The following DSCAML1 variants were observed in gnomAD, a reference collection of about 807,000 sequenced individuals.
The protein encoded by DSCAML1 is DS cell adhesion molecule like 1.
A neutral mutation model predicts 200.5 loss-of-function variants in DSCAML1; 38 were observed. The ratio of observed to expected loss-of-function variants is 0.19; its 90% CI spans 0.15 to 0.25. The LOEUF is 0.25. DSCAML1 is among the 10% of genes least tolerant of loss of function. The pLI is 1.00. For synonymous variants in DSCAML1, 1,215 were observed against 1,165.0 expected, an observed-to-expected ratio of 1.04 and a Z score of -0.87; for missense variants, 2,223 against 2,858.8, an observed-to-expected ratio of 0.78 and a Z score of 5.07.
intron 3 of DSCAML1, among the ~76,000 whole-genome samples, chr11:117,756,605 G>C (rs931939644): frequency 2.0e-5 from 3 of 152,126 alleles, no homozygotes; most frequent in African/African-American, 7.2e-5. Context: ...TGCTATCTGG[G>C]TTGTAGAAAA....
chr11:117,714,830 A>G (rs2053920437), intron 3 of DSCAML1, among the ~76,000 whole-genome samples: 1 of 150,136 alleles, frequency 6.7e-6, no homozygotes, highest in African/African-American at 2.4e-5. Flanking sequence ...CTTGAGGAAA[A>G]AAAAAAAAAA....
intron 3 of DSCAML1, among the ~76,000 whole-genome samples, chr11:117,629,924 C>A (rs149907572): frequency 4.7e-4 from 72 of 152,308 alleles, no homozygotes; most frequent in Middle Eastern, 3.4e-3. Flanking sequence ...AGGGTTGAGA[C>A]TGCTTGAGCC....
intron 1 of DSCAML1, among the ~76,000 whole-genome samples, chr11:117,795,857 C>A (rs1329740888): frequency 1.3e-5 from 2 of 152,166 alleles, no homozygotes; most frequent in African/African-American, 2.4e-5. Context: ...CCTTCCTCAT[C>A]GTCTTGGGGT....
intron 3 of DSCAML1, among the ~76,000 whole-genome samples, chr11:117,634,059 A>G (rs2052227270): frequency 6.6e-6 from 1 of 152,166 alleles, no homozygotes; most frequent in Non-Finnish European, 1.5e-5. Flanking sequence ...CCAGTTTTAC[A>G]CTTGCCTTGA....
chr11:117,537,369 G>A (rs1029057830), intron 3 of DSCAML1, among the ~76,000 whole-genome samples: 4 of 152,200 alleles, frequency 2.6e-5, no homozygotes, highest in Admixed American at 1.3e-4. Flanking sequence ...AGGCGTGGCC[G>A]TCAGTGCTGG....
rs73587146 is a variant in DSCAML1, at chr11:117,529,687, C to T, written c.658+2689G>A. Among the ~76,000 whole-genome samples the T allele has an allele frequency of 2.2e-3, 334 of 151,974 alleles. 3 individuals are homozygous for T. The highest frequency in any genetic ancestry group is 7.2e-3 in the African/African-American group (300 of 41,426). ...CACTGCCATTTGTGCCATTCTCATC[C>T]GCAACAAGCCCCAGGAGCTCTCGGG... On this transcript the variant is annotated intron_variant, in intron 4 of 32. Coordinates refer to ENST00000651296, the MANE Select transcript of DSCAML1 (RefSeq NM_020693.4).
chr11:117,576,315 C>A (rs1251199501), intron 3 of DSCAML1, among the ~76,000 whole-genome samples: 1 of 152,116 alleles, frequency 6.6e-6, no homozygotes, highest in Non-Finnish European at 1.5e-5. Context: ...AAGAGCAACT[C>A]CCCTTCCCAG....
At chr11:117,757,703 CA>C (rs1480979589) in intron 3 of DSCAML1, among the ~76,000 whole-genome samples, 2 of 152,080 alleles carry the variant, frequency 1.3e-5, no homozygotes, top group African/African-American at 4.8e-5. Flanking sequence ...TGTGGCCGGG[CA>C]TGATGGCTCA....
At chr11:117,435,864 A>G in intron 26 of DSCAML1, 65 bp from the exon 27 acceptor site, 1 of 1,512,858 alleles carries the variant, frequency 6.6e-7, no homozygotes, top group Non-Finnish European at 9.0e-7. Context: ...AGAACATCTC[A>G]TGGGTGGGGC....
intron 3 of DSCAML1, among the ~76,000 whole-genome samples, chr11:117,622,752 A>T (rs1193339205): frequency 6.6e-6 from 1 of 152,082 alleles, no homozygotes; most frequent in Non-Finnish European, 1.5e-5. Flanking sequence ...GTTCATCTCA[A>T]CTACCTACAT....
In DSCAML1 at chr11:117,433,939, C is replaced by T. The variant is rs561491852; in HGVS notation, c.4877-468G>A. Among the ~76,000 whole-genome samples the T allele has an allele frequency of 6.6e-5, 10 of 152,318 alleles. No homozygotes were observed. In the South Asian group the frequency reaches 1.9e-3, roughly 28 times the overall value. ...ATCAACCAAGAGGCTTCACTTCCTC[C>T]TCTGGGGCCTCTGTCCCCAAAAAGT... is the stretch of plus-strand genomic sequence containing the variant. On this transcript the variant is annotated intron_variant, in intron 27 of 32. Transcript: ENST00000651296.
intron 3 of DSCAML1, among the ~76,000 whole-genome samples, chr11:117,765,227 G>T (rs1050772433): frequency 2.0e-5 from 3 of 152,200 alleles, no homozygotes; most frequent in Non-Finnish European, 4.4e-5. Flanking sequence ...GCTCCAACCG[G>T]CTTGCTATTC....
In DSCAML1 at chr11:117,444,153, A is replaced by G; in HGVS notation, c.3709-114T>C. On this transcript the variant is annotated intron_variant, in intron 20 of 32. Transcript: ENST00000651296. Reference sequence around the variant, plus strand: ...AGGATGGCGGGGTCGGATGCGAGGCAGGATTCTGTCCTATTTGCCCTTTCC... The same window carrying G: ...AGGATGGCGGGGTCGGATGCGAGGCGGGATTCTGTCCTATTTGCCCTTTCC... 5 of 1,258,894 alleles carry G rather than the reference A, an allele frequency of 4.0e-6. No homozygotes were observed. In the South Asian group the frequency reaches 7.7e-5, roughly 19 times the overall value. 78.0% of individuals were successfully genotyped at this position (1,258,894 alleles called of 1,614,324 possible).
chr11:117,626,470 C>T (rs2052049109), intron 3 of DSCAML1, among the ~76,000 whole-genome samples: 1 of 152,096 alleles, frequency 6.6e-6, no homozygotes, highest in Admixed American at 6.5e-5. Context: ...GATAGTGGGG[C>T]AAAGTTAGAT....
At chr11:117,762,868 GTAATAA>G (rs58166401) in intron 3 of DSCAML1, among the ~76,000 whole-genome samples, 90,415 of 146,516 alleles carry the variant, frequency 0.62, 30,829 homozygotes, top group East Asian at 0.8. Context: ...GTCTCAAATA[GTAATAA>G]TAATAATAAT....
intron 14 of DSCAML1, among the ~76,000 whole-genome samples, chr11:117,472,476 C>T (rs939780716): frequency 1.3e-5 from 2 of 152,174 alleles, no homozygotes; most frequent in South Asian, 2.1e-4. Flanking sequence ...CTCCTTTTCT[C>T]CTCCTTTTGT....
chr11:117,561,415 A>T (rs1408013619), intron 3 of DSCAML1, among the ~76,000 whole-genome samples: 3 of 151,988 alleles, frequency 2.0e-5, no homozygotes, highest in Non-Finnish European at 2.9e-5. Context: ...TGATTCTGCC[A>T]CTCCTGCACT....
At position 117,814,990 on chromosome 11, in the gene DSCAML1, C is replaced by T. The variant is rs2282503; in HGVS notation, c.-250+2400G>A. 8.7e-3 allele frequency among the ~76,000 whole-genome samples: 1,325 copies of T among 152,356 alleles called. 44 individuals carry two copies. In the East Asian group the frequency reaches 0.099, roughly 11 times the overall value. On this transcript the variant is annotated intron_variant, in intron 1 of 2. Transcript: ENST00000525836. ...CGCACTCGGTTACTGATTGATAGGC[C>T]ATTCAGGAAACAAAGACCACAAGAG...
At chr11:117,542,154 C>T (rs1047643452) in intron 3 of DSCAML1, among the ~76,000 whole-genome samples, 1 of 151,992 alleles carries the variant, frequency 6.6e-6, no homozygotes, top group Non-Finnish European at 1.5e-5. Flanking sequence ...TACTAAAATA[C>T]AAAAATTAGC....
Sources: gnomAD v4.1 joint callset for allele counts (sites outside exome capture counted in the v4.1 genomes callset) on GRCh38, gnomAD v4.1.1 for gene constraint, MANE v1.5 for transcripts, NCBI Gene and HGNC (gene_info 2026-07-23, HGNC 2026-07-21) for gene names.